The following KLHL29 variants were observed in gnomAD, a reference collection of about 807,000 sequenced individuals.
The protein encoded by KLHL29 is kelch-like protein 29.
A neutral mutation model predicts 80.4 loss-of-function variants in KLHL29; 21 were observed. The ratio of observed to expected loss-of-function variants is 0.26; its 90% CI spans 0.19 to 0.38. The LOEUF is 0.38. KLHL29 is among the 10% of genes least tolerant of loss of function. KLHL29 has a pLI of 1.00. For missense variants in KLHL29, 867 were observed against 1,223.9 expected (o/e 0.71, Z 4.35); for synonymous variants, 511 against 526.8 (o/e 0.97, Z 0.41).
At chr2:23,610,441 G>C (rs1668830408) in intron 3 of KLHL29, among the ~76,000 whole-genome samples, 1 of 152,200 alleles carries the variant, frequency 6.6e-6, no homozygotes, top group Non-Finnish European at 1.5e-5. Context: ...TTCATAAATT[G>C]GTGCTTTAAG....
intron 2 of KLHL29, among the ~76,000 whole-genome samples, chr2:23,490,646 A>G (rs1318466835): frequency 1.3e-5 from 2 of 152,266 alleles, no homozygotes; most frequent in Non-Finnish European, 2.9e-5. Flanking sequence ...TGGAATTGCC[A>G]TTAATATCTT....
At chr2:23,469,839 C>A (rs1664447224) in intron 1 of KLHL29, among the ~76,000 whole-genome samples, 1 of 151,962 alleles carries the variant, frequency 6.6e-6, no homozygotes, top group Non-Finnish European at 1.5e-5. Context: ...GCACCTTTGG[C>A]TTCTTTTTCT....
chr2:23,397,449 G>A (rs1328919624), intron 1 of KLHL29, among the ~76,000 whole-genome samples: 1 of 152,268 alleles, frequency 6.6e-6, no homozygotes, highest in African/African-American at 2.4e-5. Context: ...CTCACTGACT[G>A]TGAAGTCACA....
intron 13 of KLHL29, 67 bp from the exon 14 acceptor site, chr2:23,706,414 G>T: frequency 7.8e-7 from 1 of 1,284,392 alleles, no homozygotes; most frequent in South Asian, 1.8e-5. Flanking sequence ...ACACGACGTT[G>T]AGAACCTATC....
intron 2 of KLHL29, among the ~76,000 whole-genome samples, chr2:23,526,790 T>C (rs1666334610): frequency 6.6e-6 from 1 of 152,160 alleles, no homozygotes; most frequent in African/African-American, 2.4e-5. Context: ...AGACAGCACC[T>C]TGGTAGCTCG....
chr2:23,439,841 G>T (rs1326127594), intron 1 of KLHL29, among the ~76,000 whole-genome samples: 1 of 151,482 alleles, frequency 6.6e-6, no homozygotes, highest in Non-Finnish European at 1.5e-5. Flanking sequence ...TTGGTGTAGA[G>T]CTGAGTACAA....
At chr2:23,687,995 T>C (rs1390071360) in intron 6 of KLHL29, among the ~76,000 whole-genome samples, 2 of 152,104 alleles carry the variant, frequency 1.3e-5, no homozygotes, top group Non-Finnish European at 2.9e-5. Flanking sequence ...CCCATGGCCA[T>C]GCAGAAGGGT....
chr2:23,622,738 G>C (rs981499423), intron 3 of KLHL29, among the ~76,000 whole-genome samples: 1 of 152,226 alleles, frequency 6.6e-6, no homozygotes, highest in Non-Finnish European at 1.5e-5. Context: ...CCGGACGCCA[G>C]CCATCTGCAT....
At chr2:23,454,236 C>T (rs574659122) in intron 1 of KLHL29, among the ~76,000 whole-genome samples, 14 of 152,166 alleles carry the variant, frequency 9.2e-5, no homozygotes, top group Middle Eastern at 3.4e-3. Context: ...CCTCCCGCCC[C>T]GGCCCCTTGA....
In KLHL29 at chr2:23,692,906, G is replaced by A. The variant is rs544850780; in HGVS notation, c.1283-363G>A. ...TGCCTGGCACAACATGGAAGATGCT[G>A]TAAGCCTCAGTGCCACCCTCAACCT... On this transcript the variant is annotated intron_variant, in intron 7 of 13. Coordinates refer to ENST00000486442, the MANE Select transcript of KLHL29 (RefSeq NM_052920.2). Among the ~76,000 whole-genome samples the A allele has an allele frequency of 1.6e-4, 25 of 152,302 alleles. No individual in the cohort carries two copies. The South Asian group carries it at 3.5e-3, about 21-fold the overall frequency.
At chr2:23,518,597 C>T (rs1301219408) in intron 2 of KLHL29, among the ~76,000 whole-genome samples, 1 of 152,196 alleles carries the variant, frequency 6.6e-6, no homozygotes, top group African/African-American at 2.4e-5. Context: ...TGCACCTTCT[C>T]CATGCTGGTG....
Position 23,457,451 on chromosome 2 carries a change from C to G in KLHL29, c.-153-18109C>G, listed in dbSNP as rs1664086445. 6.6e-6 allele frequency among the ~76,000 whole-genome samples: 1 copy of G among 152,182 alleles called. No homozygotes were observed. Among genetic ancestry groups the G allele is most frequent in the Non-Finnish European group, 1.5e-5 (1 of 68,034 alleles). Reference sequence around the variant, plus strand: ...GTGGTTTTGGCATGGTTCTGGGGCCCTTCCCCTCCAGGACCCCTGCGGTGT... The same window carrying G: ...GTGGTTTTGGCATGGTTCTGGGGCCGTTCCCCTCCAGGACCCCTGCGGTGT... On this transcript the variant is annotated intron_variant, in intron 1 of 13. Coordinates refer to ENST00000486442, the MANE Select transcript of KLHL29 (RefSeq NM_052920.2). The surrounding 1 kb of genome is among the most constrained non-coding windows in gnomAD (Gnocchi z 4.3).
intron 2 of KLHL29, among the ~76,000 whole-genome samples, chr2:23,517,616 T>C: frequency 1.4e-4 from 1 of 7,292 alleles, no homozygotes; most frequent in Non-Finnish European, 2.1e-4. Context: ...TTTTCCCATC[T>C]TTTTAACATG....
chr2:23,695,643 C>T lies in KLHL29; in HGVS notation c.1563C>T (p.Ala521=), dbSNP rs754220595. ...TRTQYAAELL[A]VVRLPFIHPS... is the part of the protein sequence containing the mutation. ...TGCAGTACGCGGCTGAGCTCCTGGCCGTGGTCCGCCTCCCCTTCATCCACC... is the reference window on the plus strand; with the variant it reads ...TGCAGTACGCGGCTGAGCTCCTGGCTGTGGTCCGCCTCCCCTTCATCCACC... Residue 521 remains alanine, a synonymous_variant, in exon 9 of 14, where the codon GCC becomes GCT. Transcript: ENST00000486442. This position sits in a 1 kb window ranked among gnomAD's most constrained non-coding sequence, Gnocchi z 7.6. 18 of 1,550,898 alleles carry T rather than the reference C, an allele frequency of 1.2e-5. No individual in the cohort carries two copies. The highest frequency in any genetic ancestry group is 9.8e-5 in the East Asian group (4 of 40,932).
chr2:23,631,973 A>G (rs1395987679), intron 3 of KLHL29, among the ~76,000 whole-genome samples: 2 of 152,216 alleles, frequency 1.3e-5, no homozygotes, highest in Admixed American at 6.5e-5. Flanking sequence ...AGTGAGGTCC[A>G]TGGAGTACCT....
intron 3 of KLHL29, among the ~76,000 whole-genome samples, chr2:23,619,663 C>G (rs61681122): frequency 6.6e-6 from 1 of 152,086 alleles, no homozygotes; most frequent in Admixed American, 6.6e-5. Context: ...TGTCAGGACT[C>G]CCCTATTAAC....
intron 3 of KLHL29, among the ~76,000 whole-genome samples, chr2:23,622,982 A>G (rs1451326130): frequency 6.6e-6 from 1 of 152,076 alleles, no homozygotes. Context: ...TCCTACTCCT[A>G]CCCACTCCCC....
chr2:23,445,704 T>G (rs1329070327), intron 1 of KLHL29, among the ~76,000 whole-genome samples: 4 of 152,234 alleles, frequency 2.6e-5, no homozygotes, highest in Non-Finnish European at 4.4e-5. Flanking sequence ...GCTGTACCAT[T>G]TTGCATTCCC....
chr2:23,439,054 G>A (rs1038638223), intron 1 of KLHL29, among the ~76,000 whole-genome samples: 22 of 149,276 alleles, frequency 1.5e-4, no homozygotes, highest in Non-Finnish European at 2.1e-4. Context: ...TGTATGTGTC[G>A]AGGAATTTAT....
Sources: gnomAD v4.1 joint callset for allele counts (sites outside exome capture counted in the v4.1 genomes callset) on GRCh38, gnomAD v4.1.1 for gene constraint, Gnocchi (gnomAD v3.1) non-coding constraint, MANE v1.5 for transcripts, NCBI Gene and HGNC (gene_info 2026-07-23, HGNC 2026-07-21) for gene names.